ADAM22: variants seen among roughly 807,000 people sequenced by gnomAD.
ADAM22 encodes ADAM metallopeptidase domain 22, also known as disintegrin and metalloproteinase domain-containing protein 22.
ADAM22 carries 65 observed loss-of-function variants against 144.6 expected under a neutral mutation model. The observed-to-expected ratio is 0.45, with a 90% CI of 0.37 to 0.55. ADAM22 has a LOEUF of 0.55. Among genes scored for constraint, ADAM22 ranks in the 20% least tolerant of loss-of-function variants. ADAM22 has a pLI of 0.00. For missense variants in ADAM22, 974 were observed against 1,184.9 expected (o/e 0.82, Z 2.61); for synonymous variants, 391 against 412.6 (o/e 0.95, Z 0.63).
At chr7:88,080,650 A>C (rs913234523) in intron 4 of ADAM22, among the ~76,000 whole-genome samples, 1 of 152,226 alleles carries the variant, frequency 6.6e-6, no homozygotes, top group African/African-American at 2.4e-5. Flanking sequence ...ACGCAATAAA[A>C]AATGACAAAG....
chr7:87,963,128 C>G (rs1489147406), intron 2 of ADAM22, among the ~76,000 whole-genome samples: 1 of 152,056 alleles, frequency 6.6e-6, no homozygotes, highest in Non-Finnish European at 1.5e-5. Flanking sequence ...CCTGGAGGTA[C>G]CTGTGTACAC....
chr7:88,071,795 A>G (rs1812894344), intron 3 of ADAM22, among the ~76,000 whole-genome samples: 1 of 152,174 alleles, frequency 6.6e-6, no homozygotes, highest in Non-Finnish European at 1.5e-5. Context: ...CAAAGTTCAC[A>G]AACAAGCATT....
At chr7:88,151,343 T>C (rs1473744956) in intron 20 of ADAM22, 23 bp downstream of exon 20, 1 of 1,613,358 alleles carries the variant, frequency 6.2e-7, no homozygotes. Flanking sequence ...TGTGGCTTGA[T>C]CATTGTTAAA....
intron 3 of ADAM22, among the ~76,000 whole-genome samples, chr7:87,987,740 C>T (rs1483757175): frequency 6.6e-6 from 1 of 152,190 alleles, no homozygotes; most frequent in Non-Finnish European, 1.5e-5. Context: ...GTATAAGGTG[C>T]GTGCTTACTC....
intron 3 of ADAM22, among the ~76,000 whole-genome samples, chr7:88,037,663 T>C (rs941495583): frequency 4.6e-5 from 7 of 152,160 alleles, no homozygotes; most frequent in Non-Finnish European, 7.4e-5. Context: ...ATCTGTATGT[T>C]AACCTTTAAA....
intron 26 of ADAM22, 21 bp from the exon 27 acceptor site, chr7:88,178,914 G>A (rs1846324459): frequency 6.6e-7 from 1 of 1,525,942 alleles, no homozygotes; most frequent in South Asian, 1.2e-5. Context: ...TTCTGACTCT[G>A]AAATGTTTAT....
Position 88,133,571 on chromosome 7 carries a change from C to A in ADAM22, c.1077+620C>A, listed in dbSNP as rs184804158. Among the ~76,000 whole-genome samples the A allele has an allele frequency of 7.1e-3, 1,078 of 152,096 alleles. 3 individuals are homozygous for A. The highest frequency in any genetic ancestry group is 0.019 in the Admixed American group (283 of 15,268). ...TTGAGAGAATCTTTACCTTTACCTT[C>A]ATTGAAAATAAGGCCCTATTTATCA... On this transcript the variant is annotated intron_variant, in intron 12 of 31. Transcript: ENST00000413139.
intron 2 of ADAM22, among the ~76,000 whole-genome samples, chr7:87,954,722 A>G (rs1221008212): frequency 4.6e-5 from 7 of 152,266 alleles, no homozygotes; most frequent in Non-Finnish European, 2.9e-5. Flanking sequence ...CTCCTGGATA[A>G]TATCCTGCAG....
rs1850712644 is a variant in ADAM22 at position 88,196,561 on chromosome 7, A to G, written c.*70A>G. The G allele has an allele frequency of 6.1e-6, 9 of 1,482,136 alleles. No homozygotes were observed. In the East Asian group the frequency reaches 1.8e-4, roughly 30 times the overall value. 91.8% of individuals were successfully genotyped at this position (1,482,136 alleles called of 1,614,324 possible). A position where few individuals can be genotyped will look rare whatever the true frequency, so the allele number is the denominator to read the frequency against. ...CTTTTATAGAAACCCAGGCTCATGG[A>G]ATCACTGCAAATCTATCTGCTCTTC... On this transcript the variant is annotated 3_prime_UTR_variant, in exon 32 of 32. Transcript: ENST00000413139.
At chr7:88,087,478 A>G (rs1324365678) in intron 4 of ADAM22, among the ~76,000 whole-genome samples, 2 of 152,218 alleles carry the variant, frequency 1.3e-5, no homozygotes, top group African/African-American at 4.8e-5. Flanking sequence ...GAAAATAACC[A>G]TAGTATGAAT....
At chr7:88,064,421 C>T (rs1208925839) in intron 3 of ADAM22, among the ~76,000 whole-genome samples, 1 of 152,150 alleles carries the variant, frequency 6.6e-6, no homozygotes, top group Admixed American at 6.5e-5. Context: ...GTTTCCTCAT[C>T]TATATGGAGA....
chr7:88,123,810 AT>A (rs1267070084), intron 7 of ADAM22, among the ~76,000 whole-genome samples: 1 of 151,266 alleles, frequency 6.6e-6, no homozygotes, highest in Non-Finnish European at 1.5e-5. Context: ...TCATATTTTT[AT>A]TTACTTTAGG....
intron 20 of ADAM22, among the ~76,000 whole-genome samples, chr7:88,152,599 C>T (rs1838754987): frequency 6.6e-6 from 1 of 152,092 alleles, no homozygotes; most frequent in East Asian, 1.9e-4. Flanking sequence ...TTATATTTAG[C>T]ACTGAGATTA....
intron 29 of ADAM22, among the ~76,000 whole-genome samples, chr7:88,182,994 T>A (rs1314040838): frequency 1.3e-5 from 2 of 152,190 alleles, no homozygotes; most frequent in African/African-American, 4.8e-5. Flanking sequence ...TGTTAGCTTT[T>A]CCGTCATATA....
chr7:88,187,289 G>T (rs1251791582), intron 30 of ADAM22, among the ~76,000 whole-genome samples: 1 of 152,170 alleles, frequency 6.6e-6, no homozygotes, highest in Non-Finnish European at 1.5e-5. Flanking sequence ...TTTCCTACCA[G>T]AGAAAGGCTG....
intron 3 of ADAM22, among the ~76,000 whole-genome samples, chr7:88,045,347 T>C (rs1333442680): frequency 6.6e-6 from 1 of 152,196 alleles, no homozygotes; most frequent in Non-Finnish European, 1.5e-5. Context: ...ATGAATCTCC[T>C]TTGTTAATTC....
rs561551141 is a variant in ADAM22, at chr7:88,017,783, GTA to G, written c.323+39383_323+39384del. On this transcript the variant is annotated intron_variant, in intron 3 of 31. Coordinates refer to ENST00000413139, the MANE Select transcript of ADAM22 (RefSeq NM_001324418.2). Reference sequence around the variant, plus strand: ...AAAAAATGCAAGCATATGTGTGTGTGTATATATATATATGTGTGTGTATATAT... The same window carrying G: ...AAAAAATGCAAGCATATGTGTGTGTGTATATATATATGTGTGTGTATATAT... 4.9e-4 allele frequency among the ~76,000 whole-genome samples: 74 copies of G among 150,104 alleles called. 1 individual carries two copies. Among genetic ancestry groups the G allele is most frequent in the Non-Finnish European group, 4.7e-4 (32 of 67,616 alleles).
At chr7:88,185,475 T>A (rs1240258702) in intron 29 of ADAM22, among the ~76,000 whole-genome samples, 1 of 152,204 alleles carries the variant, frequency 6.6e-6, no homozygotes, top group Non-Finnish European at 1.5e-5. Flanking sequence ...ATGTATTTTA[T>A]AATTTCCCCT....
rs1002417113 is a variant in ADAM22, at chr7:87,938,708, G to A, written c.246+3522G>A. ...TTGCCCAGGCTGGATGGAGTGCAGC[G>A]GCACAATCTCAACTCATGGCAAGGT... On this transcript the variant is annotated intron_variant, in intron 2 of 31. Coordinates refer to ENST00000413139, the MANE Select transcript of ADAM22 (RefSeq NM_001324418.2). Among the ~76,000 whole-genome samples the A allele has an allele frequency of 4.6e-5, 7 of 151,986 alleles. No homozygotes were observed. The East Asian group carries it at 5.8e-4, about 13-fold the overall frequency.
Sources: allele counts gnomAD v4.1 joint callset (sites outside exome capture counted in the v4.1 genomes callset), GRCh38; gene constraint gnomAD v4.1.1; transcripts MANE v1.5; gene names NCBI Gene and HGNC (gene_info 2026-07-23, HGNC 2026-07-21).